Variants in TFEC observed in about 807,000 individuals in gnomAD.
TFEC encodes the protein transcription factor EC.
A neutral mutation model predicts 41.6 loss-of-function variants in TFEC; 31 were observed. That is an observed-to-expected ratio of 0.74 (90% CI 0.56 to 1.01). The LOEUF (loss-of-function observed/expected upper bound fraction) is 1.01. Among genes scored for constraint, TFEC ranks in the 50% least tolerant of loss-of-function variants. TFEC has a pLI of 0.00. For missense variants in TFEC, 402 were observed against 404.1 expected, an observed-to-expected ratio of 0.99 and a Z score of 0.04; for synonymous variants, 143 against 140.6, an observed-to-expected ratio of 1.02 and a Z score of -0.12.
intron 1 of TFEC, among the ~76,000 whole-genome samples, chr7:115,997,555 T>C (rs1257321777): frequency 1.3e-5 from 2 of 150,236 alleles, no homozygotes; most frequent in South Asian, 2.1e-4. Flanking sequence ...CCAACAAACA[T>C]CCACAAGCAT....
chr7:116,138,285 G>C (rs766465491), intron 1 of TFEC, among the ~76,000 whole-genome samples: 1 of 152,164 alleles, frequency 6.6e-6, no homozygotes, highest in East Asian at 1.9e-4. Context: ...TTCACAGACA[G>C]TGCACTGATT....
intron 3 of TFEC, among the ~76,000 whole-genome samples, chr7:116,046,808 T>C (rs947751487): frequency 2.0e-5 from 3 of 152,200 alleles, no homozygotes; most frequent in Non-Finnish European, 4.4e-5. Context: ...AAGATGTATA[T>C]ACAAAAATGG....
intron 3 of TFEC, among the ~76,000 whole-genome samples, chr7:115,958,417 G>C (rs1750387758): frequency 6.6e-6 from 1 of 151,808 alleles, no homozygotes; most frequent in Admixed American, 6.6e-5. Context: ...CATTTCCACT[G>C]TGCCTTTGAG....
rs532584381 is a variant in TFEC, at chr7:116,127,852, T to C, written c.-68-15814A>G. Among the ~76,000 whole-genome samples the C allele has an allele frequency of 2.0e-5, 3 of 152,256 alleles. No homozygotes were observed. In the South Asian group the frequency reaches 6.2e-4, roughly 32 times the overall value. On this transcript the variant is annotated intron_variant, in intron 1 of 8. Transcript: ENST00000484212. ...TATGGCTTATCTATGTTGCCTTTTC[T>C]AGCCCACACACCCACACCCCACTTT... is the stretch of plus-strand genomic sequence containing the variant.
chr7:116,066,092 G>T (rs1307305779), intron 3 of TFEC, among the ~76,000 whole-genome samples: 1 of 152,160 alleles, frequency 6.6e-6, no homozygotes, highest in African/African-American at 2.4e-5. Context: ...CTTGCCCAAG[G>T]AAGATGATGC....
chr7:115,967,283 T>G (rs1466685907), intron 3 of TFEC, among the ~76,000 whole-genome samples: 4 of 151,686 alleles, frequency 2.6e-5, no homozygotes, highest in African/African-American at 9.7e-5. Flanking sequence ...GAGGCAGTAT[T>G]TTGAGTTGTT....
intron 2 of TFEC, among the ~76,000 whole-genome samples, chr7:115,978,953 GA>G (rs1793505453): frequency 6.6e-6 from 1 of 152,090 alleles, no homozygotes; most frequent in Non-Finnish European, 1.5e-5. Flanking sequence ...TCTCATTCAA[GA>G]TTTCAAAGAC....
At chr7:116,040,015 TA>T (rs1795998945) in intron 3 of TFEC, among the ~76,000 whole-genome samples, 1 of 152,124 alleles carries the variant, frequency 6.6e-6, no homozygotes, top group South Asian at 2.1e-4. Context: ...CTAAAAAATC[TA>T]GATGTGACCT....
At chr7:116,144,356 C>T (rs1199162168) in intron 1 of TFEC, among the ~76,000 whole-genome samples, 1 of 152,148 alleles carries the variant, frequency 6.6e-6, no homozygotes, top group Non-Finnish European at 1.5e-5. Flanking sequence ...CAAACTGAAT[C>T]ATGTTAACTG....
At chr7:116,044,604 A>G (rs1352794212) in intron 3 of TFEC, among the ~76,000 whole-genome samples, 2 of 152,208 alleles carry the variant, frequency 1.3e-5, no homozygotes, top group Non-Finnish European at 2.9e-5. Flanking sequence ...CAGTTTTTTG[A>G]CAACTACTTG....
At chr7:115,955,570 A>T (rs1792178260) in intron 4 of TFEC, among the ~76,000 whole-genome samples, 1 of 152,042 alleles carries the variant, frequency 6.6e-6, no homozygotes. Flanking sequence ...TGACATCTTG[A>T]CTACAGCCTC....
intron 1 of TFEC, among the ~76,000 whole-genome samples, chr7:116,113,711 C>G (rs566207231): frequency 6.6e-6 from 1 of 152,094 alleles, no homozygotes; most frequent in South Asian, 2.1e-4. Flanking sequence ...TCTGTGTGAG[C>G]TCAATTATTA....
chr7:116,069,603 A>C (rs1485372471), intron 3 of TFEC, among the ~76,000 whole-genome samples: 1 of 151,738 alleles, frequency 6.6e-6, no homozygotes, highest in Non-Finnish European at 1.5e-5. Flanking sequence ...ATTCATGTAG[A>C]GTTTTAATGA....
intron 3 of TFEC, among the ~76,000 whole-genome samples, chr7:116,081,902 C>T (rs954400616): frequency 6.6e-6 from 1 of 152,008 alleles, no homozygotes; most frequent in African/African-American, 2.4e-5. Flanking sequence ...TAATGTTTAC[C>T]TCTCAAGACA....
intron 3 of TFEC, among the ~76,000 whole-genome samples, chr7:116,063,890 C>T (rs115557138): frequency 0.01 from 1,546 of 152,142 alleles, 35 homozygotes; most frequent in African/African-American, 0.036. Context: ...TTTTGTATAA[C>T]GCTACAATGA....
chr7:116,132,084 T>C (rs1246661600), intron 1 of TFEC, among the ~76,000 whole-genome samples: 2 of 152,170 alleles, frequency 1.3e-5, no homozygotes, highest in Admixed American at 6.6e-5. Flanking sequence ...CTTTCCATCA[T>C]AAAGTATGCT....
chr7:116,047,406 G>A (rs1347148555), intron 3 of TFEC, among the ~76,000 whole-genome samples: 1 of 152,138 alleles, frequency 6.6e-6, no homozygotes, highest in African/African-American at 2.4e-5. Context: ...CTCACTGCTA[G>A]CACAGCAGTC....
At chr7:116,077,126 C>T (rs1020346491) in intron 3 of TFEC, among the ~76,000 whole-genome samples, 2 of 152,080 alleles carry the variant, frequency 1.3e-5, no homozygotes, top group African/African-American at 4.8e-5. Flanking sequence ...TATTTTTAGC[C>T]ACCTTAAGCA....
intron 1 of TFEC, among the ~76,000 whole-genome samples, chr7:116,014,700 T>C (rs1795125922): frequency 1.3e-5 from 2 of 152,138 alleles, no homozygotes; most frequent in South Asian, 4.1e-4. Flanking sequence ...TTGTATGTGT[T>C]ATTAAGTTGC....
Sources: gnomAD v4.1 joint callset for allele counts (sites outside exome capture counted in the v4.1 genomes callset) on GRCh38, gnomAD v4.1.1 for gene constraint, MANE v1.5 for transcripts, NCBI Gene and HGNC (gene_info 2026-07-23, HGNC 2026-07-21) for gene names.